Variants in GALNTL6 observed in about 807,000 individuals in gnomAD.
The protein encoded by GALNTL6 is polypeptide N-acetylgalactosaminyltransferase like 6.
A neutral mutation model predicts 73.7 loss-of-function variants in GALNTL6; 46 were observed. That is an observed-to-expected ratio of 0.62 (90% CI 0.49 to 0.80). The LOEUF (loss-of-function observed/expected upper bound fraction) is 0.80, where lower values mean the gene tolerates loss of function less well. Ranked by LOEUF, GALNTL6 falls within the 30% of genes least tolerant of loss-of-function variation. The probability of loss-of-function intolerance (pLI) is 0.00; values close to 1 mark genes in which losing one functional copy is unlikely to be tolerated. For synonymous variants in GALNTL6, 259 were observed against 263.7 expected, an observed-to-expected ratio of 0.98 and a Z score of 0.17; for missense variants, 604 against 755.0, an observed-to-expected ratio of 0.80 and a Z score of 2.34.
intron 5 of GALNTL6, among the ~76,000 whole-genome samples, chr4:172,767,046 A>G (rs1168982510): frequency 6.6e-6 from 1 of 152,216 alleles, no homozygotes; most frequent in African/African-American, 2.4e-5. Flanking sequence ...TTTCAGCACT[A>G]TGCAATTTGC....
intron 12 of GALNTL6, among the ~76,000 whole-genome samples, chr4:173,028,900 T>A (rs1753340091): frequency 6.6e-6 from 1 of 152,236 alleles, no homozygotes. Context: ...CCTGCCAGGC[T>A]AAATTGATAA....
At chr4:172,963,777 C>T (rs1471863782) in intron 10 of GALNTL6, among the ~76,000 whole-genome samples, 1 of 152,234 alleles carries the variant, frequency 6.6e-6, no homozygotes, top group Non-Finnish European at 1.5e-5. Flanking sequence ...TTCTCATGAA[C>T]AGTCGGGTCT....
At chr4:173,019,551 C>T (rs7680255) in intron 11 of GALNTL6, among the ~76,000 whole-genome samples, 51,325 of 151,994 alleles carry the variant, frequency 0.34, 9,379 homozygotes, top group African/African-American at 0.46. Context: ...CCTTGAGAAG[C>T]CATTCTTCTC....
At chr4:172,526,510 TC>T (rs1734958780) in intron 5 of GALNTL6, among the ~76,000 whole-genome samples, 1 of 152,192 alleles carries the variant, frequency 6.6e-6, no homozygotes, top group Admixed American at 6.5e-5. Flanking sequence ...TTGTTTAATC[TC>T]CGACTTTATA....
chr4:172,553,407 C>T (rs536644018), intron 5 of GALNTL6, among the ~76,000 whole-genome samples: 1 of 152,256 alleles, frequency 6.6e-6, no homozygotes, highest in East Asian at 1.9e-4. Context: ...CTGACTCTGA[C>T]TCATTTTAGT....
At chr4:172,936,891 T>A (rs1236356608) in intron 9 of GALNTL6, among the ~76,000 whole-genome samples, 1 of 152,110 alleles carries the variant, frequency 6.6e-6, no homozygotes. Context: ...GGGATAGAGG[T>A]TAAATGGTAA....
chr4:172,277,884 T>C (rs1299148741), intron 3 of GALNTL6, among the ~76,000 whole-genome samples: 1 of 152,212 alleles, frequency 6.6e-6, no homozygotes, highest in Non-Finnish European at 1.5e-5. Context: ...TGTTAAGCTT[T>C]TCTAATTGTA....
intron 5 of GALNTL6, among the ~76,000 whole-genome samples, chr4:172,373,111 C>T (rs1350291212): frequency 6.6e-6 from 1 of 152,206 alleles, no homozygotes; most frequent in Non-Finnish European, 1.5e-5. Flanking sequence ...AGTGCCTGGA[C>T]TTGAGAAGTG....
chr4:171,943,069 G>T (rs1738598502), intron 2 of GALNTL6, among the ~76,000 whole-genome samples: 1 of 152,156 alleles, frequency 6.6e-6, no homozygotes, highest in South Asian at 2.1e-4. Context: ...AAGGGGGTAG[G>T]ATTGTTGTTT....
Position 173,040,197 on chromosome 4 carries a change from C to A in GALNTL6, c.*97C>A. The A allele has an allele frequency of 1.1e-6, 1 of 909,184 alleles. No homozygotes were observed. Among genetic ancestry groups the A allele is most frequent in the Non-Finnish European group, 1.6e-6 (1 of 613,882 alleles). 56.3% of individuals were successfully genotyped at this position (909,184 alleles called of 1,614,324 possible). A position where few individuals can be genotyped will look rare whatever the true frequency, so the allele number is the denominator to read the frequency against. On this transcript the variant is annotated 3_prime_UTR_variant, in exon 13 of 13. Transcript: ENST00000506823. The stretch of plus-strand genomic sequence containing the variant: ...GAGTCAGGAATAACATTTCCTCGAT[C>A]CAGGAAGGCTGGTTTAAAAATTTGC...
At chr4:172,197,891 C>T (rs986096216) in intron 2 of GALNTL6, among the ~76,000 whole-genome samples, 5 of 152,034 alleles carry the variant, frequency 3.3e-5, no homozygotes, top group South Asian at 2.1e-4. Flanking sequence ...GGGCAGATCA[C>T]GAGGTTAAGA....
chr4:172,646,460 T>C (rs1740247471), intron 5 of GALNTL6, among the ~76,000 whole-genome samples: 1 of 152,046 alleles, frequency 6.6e-6, no homozygotes. Context: ...TCTAAAAATA[T>C]TGTGAATGTT....
intron 2 of GALNTL6, among the ~76,000 whole-genome samples, chr4:171,834,735 T>C (rs1408944282): frequency 1.3e-5 from 2 of 151,908 alleles, no homozygotes; most frequent in African/African-American, 4.8e-5. Flanking sequence ...TGAAAAGTGC[T>C]CTTTTCTATC....
chr4:173,007,274 A>G (rs1752343733), intron 10 of GALNTL6, among the ~76,000 whole-genome samples: 1 of 152,218 alleles, frequency 6.6e-6, no homozygotes, highest in Non-Finnish European at 1.5e-5. Flanking sequence ...CTACTCATCC[A>G]GGCAAAAGAA....
intron 2 of GALNTL6, among the ~76,000 whole-genome samples, chr4:171,999,742 T>C (rs1579046676): frequency 1.7e-5 from 2 of 116,188 alleles, no homozygotes; most frequent in East Asian, 5.3e-4. Flanking sequence ...TATGACAGAT[T>C]CTTACAACTC....
At chr4:172,138,781 G>A (rs989550680) in intron 2 of GALNTL6, among the ~76,000 whole-genome samples, 10 of 150,434 alleles carry the variant, frequency 6.6e-5, no homozygotes, top group East Asian at 2.0e-4. Context: ...TGCCCGCCTC[G>A]GCCTCCCAAA....
At chr4:172,022,877 C>G (rs1487468101) in intron 2 of GALNTL6, among the ~76,000 whole-genome samples, 1 of 151,992 alleles carries the variant, frequency 6.6e-6, no homozygotes, top group African/African-American at 2.4e-5. Context: ...CTGAGCCACC[C>G]CATTTCCCTG....
rs1354413864 is a variant in GALNTL6 at position 172,285,765 on chromosome 4, C to T, written c.248-25849C>T. 2.0e-5 allele frequency among the ~76,000 whole-genome samples: 3 copies of T among 152,258 alleles called. No individual in the cohort carries two copies. The South Asian group carries it at 6.2e-4, about 32-fold the overall frequency. ...GTCTCTGTACAAATCTATTCCTTTT[C>T]CTTCCATCTGTGATTGTAGACACTC... On this transcript the variant is annotated intron_variant, in intron 3 of 12. Transcript: ENST00000506823.
chr4:172,859,267 G>C (rs1399893932), intron 7 of GALNTL6, among the ~76,000 whole-genome samples: 2 of 152,116 alleles, frequency 1.3e-5, no homozygotes, highest in East Asian at 3.9e-4. Context: ...AATTATTATA[G>C]TTTTACCTGG....
Sources: allele counts gnomAD v4.1 joint callset (sites outside exome capture counted in the v4.1 genomes callset), GRCh38; gene constraint gnomAD v4.1.1; transcripts MANE v1.5; gene names NCBI Gene and HGNC (gene_info 2026-07-23, HGNC 2026-07-21).